ACTR3B: variants seen among roughly 807,000 people sequenced by gnomAD.
ACTR3B encodes actin related protein 3B.
In ACTR3B, 8 loss-of-function variants were observed where a neutral mutation model predicts 59.0. The observed-to-expected ratio is 0.14, with a 90% CI of 0.08 to 0.24. ACTR3B has a LOEUF of 0.24. ACTR3B is among the 10% of genes least tolerant of loss of function. ACTR3B has a pLI of 1.00. For synonymous variants in ACTR3B, 148 were observed against 197.9 expected (o/e 0.75, Z 2.12); for missense variants, 245 against 552.3 (o/e 0.44, Z 5.58).
intron 1 of ACTR3B, among the ~76,000 whole-genome samples, chr7:152,762,833 TGATA>T: frequency 6.6e-6 from 1 of 152,256 alleles, no homozygotes; most frequent in South Asian, 2.1e-4. Flanking sequence ...TGTTTCTCTG[TGATA>T]GATACAGGAT....
At chr7:152,836,619 A>T (rs1452806938) in intron 9 of ACTR3B, among the ~76,000 whole-genome samples, 1 of 151,742 alleles carries the variant, frequency 6.6e-6, no homozygotes, top group Non-Finnish European at 1.5e-5. Flanking sequence ...GTGCTCTATA[A>T]GCAGTGAAAT....
chr7:152,785,711 ACTTT>A (rs1208467860), intron 2 of ACTR3B, among the ~76,000 whole-genome samples: 1 of 48,930 alleles, frequency 2.0e-5, no homozygotes, highest in East Asian at 9.2e-4. Flanking sequence ...CTGGAGCAAG[ACTTT>A]CTCTGCGTGG....
chr7:152,822,661 A>G (rs1490339255), intron 7 of ACTR3B, among the ~76,000 whole-genome samples: 1 of 152,242 alleles, frequency 6.6e-6, no homozygotes. Flanking sequence ...TAATCTTGGC[A>G]GGGATCTGTG....
chr7:152,835,510 T>G (rs1797377561), intron 9 of ACTR3B, among the ~76,000 whole-genome samples: 1 of 152,206 alleles, frequency 6.6e-6, no homozygotes. Flanking sequence ...CCAGTGTACA[T>G]ACCTTCATTT....
At chr7:152,832,891 C>T (rs1417269619) in intron 9 of ACTR3B, among the ~76,000 whole-genome samples, 1 of 152,232 alleles carries the variant, frequency 6.6e-6, no homozygotes, top group African/African-American at 2.4e-5. Flanking sequence ...ATGTTGACCA[C>T]ATCCACAAAA....
At chr7:152,780,116 G>A (rs2098147002) in intron 1 of ACTR3B, among the ~76,000 whole-genome samples, 1 of 152,166 alleles carries the variant, frequency 6.6e-6, no homozygotes, top group Admixed American at 6.5e-5. Flanking sequence ...ACTTTGGGAG[G>A]CTGAGGCAGG....
intron 9 of ACTR3B, among the ~76,000 whole-genome samples, chr7:152,832,031 A>G (rs1797071754): frequency 6.6e-6 from 1 of 152,120 alleles, no homozygotes; most frequent in Non-Finnish European, 1.5e-5. Flanking sequence ...TTGGAGATGG[A>G]GTCTGGATTT....
At chr7:152,830,380 T>C (rs1796930550) in intron 9 of ACTR3B, among the ~76,000 whole-genome samples, 1 of 152,244 alleles carries the variant, frequency 6.6e-6, no homozygotes, top group Non-Finnish European at 1.5e-5. Flanking sequence ...TTGGGAGTTG[T>C]TAAAAACTCT....
chr7:152,771,154 G>A (rs1391142529), intron 1 of ACTR3B, among the ~76,000 whole-genome samples: 28 of 151,758 alleles, frequency 1.8e-4, no homozygotes, highest in African/African-American at 6.1e-4. Flanking sequence ...AGTAGAGATG[G>A]GGTTTCACCA....
At chr7:152,851,572 C>T (rs1330222047) in intron 9 of ACTR3B, among the ~76,000 whole-genome samples, 1 of 152,168 alleles carries the variant, frequency 6.6e-6, no homozygotes, top group Non-Finnish European at 1.5e-5. Context: ...GCGAGTGCTT[C>T]CCCTTCCTCA....
intron 1 of ACTR3B, among the ~76,000 whole-genome samples, chr7:152,781,577 T>G (rs2689484): frequency 3.5e-3 from 505 of 143,400 alleles, no homozygotes; most frequent in African/African-American, 4.1e-3. Flanking sequence ...AAGTAGCTGA[T>G]GTAGCTTGTT....
chr7:152,854,425 AGT>A lies in ACTR3B; in HGVS notation c.1162-30_1162-29del, dbSNP rs768152247. ...GTTCCCTTGACTTTCTTCTGAAATG[AGT>A]GTCTTTCTGTCTGCCTGTTGCCTCT... On this transcript the variant is annotated intron_variant, in intron 11 of 11. Coordinates refer to ENST00000256001, the MANE Select transcript of ACTR3B (RefSeq NM_020445.6). The surrounding 1 kb of genome is among the most constrained non-coding windows in gnomAD (Gnocchi z 4.9). 1 of 1,590,106 alleles carries A rather than the reference AGT, an allele frequency of 6.3e-7. No homozygotes were observed. The highest frequency in any genetic ancestry group is 1.3e-5 in the African/African-American group (1 of 74,348).
chr7:152,781,085 T>TA (rs1270144756), intron 1 of ACTR3B, among the ~76,000 whole-genome samples: 1 of 151,974 alleles, frequency 6.6e-6, no homozygotes, highest in African/African-American at 2.4e-5. Flanking sequence ...AAGTGCATGA[T>TA]CTTAACCAGT....
intron 2 of ACTR3B, among the ~76,000 whole-genome samples, chr7:152,789,434 C>T (rs998215350): frequency 1.3e-5 from 2 of 150,644 alleles, no homozygotes; most frequent in Non-Finnish European, 2.9e-5. Flanking sequence ...ATAGTTTTTG[C>T]TAGCTTTATT....
At chr7:152,775,425 A>C (rs1280326370) in intron 1 of ACTR3B, among the ~76,000 whole-genome samples, 2 of 152,118 alleles carry the variant, frequency 1.3e-5, no homozygotes, top group African/African-American at 4.8e-5. Flanking sequence ...AGGAGCATTT[A>C]ACAAGTAAAG....
At chr7:152,760,220 C>T (rs997388863) in intron 1 of ACTR3B, among the ~76,000 whole-genome samples, 6 of 152,218 alleles carry the variant, frequency 3.9e-5, no homozygotes, top group Non-Finnish European at 2.9e-5. Flanking sequence ...GGCCGGGCCC[C>T]TGGACCCGCA....
At chr7:152,786,925 G>A (rs1336109007) in intron 2 of ACTR3B, among the ~76,000 whole-genome samples, 6 of 152,114 alleles carry the variant, frequency 3.9e-5, no homozygotes, top group African/African-American at 2.4e-5. Context: ...GAATTCTAAC[G>A]TGAATATACA....
At position 152,759,875 on chromosome 7, in the gene ACTR3B, TC is replaced by T; in HGVS notation, c.-5del. ...TGCCGGCGGGGCCGAGCGCCGCGCG[TC>T]CCGAGCATGGCAGGCTCCCTGCCTC... On this transcript the variant is annotated 5_prime_UTR_variant, in exon 1 of 12. Transcript: ENST00000256001. 7.5e-7 allele frequency: 1 copy of T among 1,330,460 alleles called. No individual in the cohort carries two copies. The highest frequency in any genetic ancestry group is 9.7e-7 in the Non-Finnish European group (1 of 1,031,388). 82.4% of individuals were successfully genotyped at this position (1,330,460 alleles called of 1,614,324 possible).
intron 9 of ACTR3B, among the ~76,000 whole-genome samples, chr7:152,825,488 T>G (rs1796498841): frequency 6.6e-6 from 1 of 152,032 alleles, no homozygotes; most frequent in Non-Finnish European, 1.5e-5. Context: ...ATTTTTTTTT[T>G]TGTATTTCAG....
Sources: gnomAD v4.1 joint callset for allele counts (sites outside exome capture counted in the v4.1 genomes callset) on GRCh38, gnomAD v4.1.1 for gene constraint, Gnocchi (gnomAD v3.1) non-coding constraint, MANE v1.5 for transcripts, NCBI Gene and HGNC (gene_info 2026-07-23, HGNC 2026-07-21) for gene names.